The following MMRN1 variants were observed in gnomAD, a reference collection of about 807,000 sequenced individuals.
MMRN1 encodes multimerin 1.
MMRN1 carries 94 observed loss-of-function variants against 100.7 expected under a neutral mutation model. That is an observed-to-expected ratio of 0.93 (90% CI 0.79 to 1.11). The LOEUF (loss-of-function observed/expected upper bound fraction) is 1.11, where lower values mean the gene tolerates loss of function less well. Among genes scored for constraint, MMRN1 ranks in the 50% least tolerant of loss-of-function variants. The probability of loss-of-function intolerance (pLI) is 0.00; values close to 1 mark genes in which losing one functional copy is unlikely to be tolerated. For synonymous variants in MMRN1, 575 were observed against 505.0 expected, an observed-to-expected ratio of 1.14 and a Z score of -1.86; for missense variants, 1,606 against 1,439.1, an observed-to-expected ratio of 1.12 and a Z score of -1.88.
chr4:89,909,838 C>T (rs755890187), intron 2 of MMRN1, among the ~76,000 whole-genome samples: 36 of 151,326 alleles, frequency 2.4e-4, no homozygotes, highest in Non-Finnish European at 2.1e-4. Flanking sequence ...CTTCTAGTTA[C>T]AATTATGCAT....
rs150931395 is a variant in MMRN1 at position 89,935,541 on chromosome 4, T to G, written c.1861T>G (p.Leu621Val). The G allele has an allele frequency of 3.1e-6, 5 of 1,613,118 alleles. No individual in the cohort carries two copies. In the South Asian group the frequency reaches 5.5e-5, roughly 18 times the overall value. The change falls in exon 6 of 8, where the codon TTG (leucine) becomes GTG (valine). Residue 621 changes from leucine to valine, a missense_variant. Physicochemically the swap from Leu to Val is conservative, Grantham distance 32 (BLOSUM62 1). Coordinates refer to ENST00000264790, the MANE Select transcript of MMRN1 (RefSeq NM_007351.3). ...EENLHVLNQT[L>V]AEVLFPMDNK... The stretch of plus-strand genomic sequence containing the variant: ...GAATTTACATGTGTTAAATCAAACA[T>G]TGGCTGAAGTTCTCTTTCCAATGGA...
chr4:89,944,986 A>T (rs1194305620), intron 6 of MMRN1, among the ~76,000 whole-genome samples: 1 of 152,116 alleles, frequency 6.6e-6, no homozygotes, highest in East Asian at 1.9e-4. Context: ...CACCACCCCA[A>T]ATTTCCTCAT....
At chr4:89,934,230 C>T (rs1423952728) in intron 5 of MMRN1, among the ~76,000 whole-genome samples, 2 of 151,862 alleles carry the variant, frequency 1.3e-5, no homozygotes, top group African/African-American at 4.8e-5. Flanking sequence ...TTTGAAATCC[C>T]CAAATCTCAT....
chr4:89,917,626 ATTATATTGATGTCGTCTTTCTTTTG>A (rs1721963273), intron 3 of MMRN1, among the ~76,000 whole-genome samples: 2 of 151,936 alleles, frequency 1.3e-5, no homozygotes, highest in Non-Finnish European at 2.9e-5. Context: ...ATTTCTACAA[ATTATATTGATGTCGTCTTTCTTTTG>A]CCATGGATGA....
At position 89,895,488 on chromosome 4, in the gene MMRN1, G is replaced by T; in HGVS notation, c.517G>T (p.Gly173Cys). 6.2e-7 allele frequency: 1 copy of T among 1,613,856 alleles called. No individual in the cohort carries two copies. Residue 173 changes from glycine (G) to cysteine (C), a missense_variant, in exon 1 of 8, where the codon GGC becomes TGC. Gly to Cys is a radical substitution (Grantham distance 159, BLOSUM62 -3). Coordinates refer to ENST00000264790, the MANE Select transcript of MMRN1 (RefSeq NM_007351.3). ...CATTGGAGGCGTTGGAGGCACTGGA[G>T]GCGTGGGAAATCGAGCCCCACGGGA... ...GGIGGVGGTG[G>C]VGNRAPRETY... is the part of the protein sequence containing the mutation.
chr4:89,935,634 T>C lies in MMRN1; in HGVS notation c.1954T>C (p.Leu652=). 6.2e-7 allele frequency: 1 copy of C among 1,613,520 alleles called. No individual in the cohort carries two copies. Among genetic ancestry groups the C allele is most frequent in the Non-Finnish European group, 8.5e-7 (1 of 1,179,736 alleles). The change falls in exon 6 of 8, where the codon TTG becomes CTG. Residue 652 remains leucine (L), a synonymous_variant. Transcript: ENST00000264790. ...TTATGATATGGAGATCCTTCAACCC[T>C]TGCTTGAGCAGGGAGCATCACTCAG... ...LTYDMEILQP[L]LEQGASLRQT...
intron 5 of MMRN1, among the ~76,000 whole-genome samples, chr4:89,929,098 G>A (rs1722355857): frequency 6.6e-6 from 1 of 152,114 alleles, no homozygotes; most frequent in African/African-American, 2.4e-5. Context: ...GTTTCGGGTA[G>A]GGCAAGGATG....
At chr4:89,940,150 T>C (rs1276143698) in intron 6 of MMRN1, among the ~76,000 whole-genome samples, 1 of 152,200 alleles carries the variant, frequency 6.6e-6, no homozygotes, top group African/African-American at 2.4e-5. Context: ...TTTGAAGATT[T>C]GTTTGTACAG....
At chr4:89,900,104 A>G (rs1721336254) in intron 1 of MMRN1, among the ~76,000 whole-genome samples, 2 of 152,004 alleles carry the variant, frequency 1.3e-5, no homozygotes, top group Non-Finnish European at 2.9e-5. Context: ...ACTTTTGCAA[A>G]CTTAAGAAGG....
intron 3 of MMRN1, among the ~76,000 whole-genome samples, chr4:89,917,273 C>A (rs1198588914): frequency 6.6e-6 from 1 of 151,756 alleles, no homozygotes; most frequent in Non-Finnish European, 1.5e-5. Context: ...TTATAAAATG[C>A]AACTTAAAAT....
At chr4:89,946,786 T>C (rs929790362) in intron 6 of MMRN1, among the ~76,000 whole-genome samples, 2 of 152,230 alleles carry the variant, frequency 1.3e-5, no homozygotes, top group Middle Eastern at 3.4e-3. Flanking sequence ...CTAGAGCACA[T>C]ATTAGGGTCC....
chr4:89,911,401 C>T (rs1444695558), intron 2 of MMRN1, among the ~76,000 whole-genome samples: 1 of 151,226 alleles, frequency 6.6e-6, no homozygotes. Context: ...CAGAGAAATA[C>T]TATATGACAA....
chr4:89,911,587 A>C (rs1001378870), intron 2 of MMRN1, among the ~76,000 whole-genome samples: 2 of 151,418 alleles, frequency 1.3e-5, no homozygotes, highest in Non-Finnish European at 3.0e-5. Context: ...AATCATATGA[A>C]TTGAAGTAGA....
At position 89,953,251 on chromosome 4, in the gene MMRN1, T is replaced by G. The variant is rs1262563435; in HGVS notation, c.3520T>G (p.Ser1174Ala). 2 of 1,613,836 alleles carry G rather than the reference T, an allele frequency of 1.2e-6. No homozygotes were observed. Among genetic ancestry groups the G allele is most frequent in the Non-Finnish European group, 1.7e-6 (2 of 1,179,850 alleles). ...VDGIDKLAFE[S>A]ENINSEIHCD... ...TGGAATAGACAAGCTTGCATTTGAG[T>G]CTGAAAATATTAACAGTGAAATACA... Residue 1174 changes from serine (S) to alanine (A), a missense_variant, in exon 8 of 8, where the codon TCT becomes GCT. Coordinates refer to ENST00000264790, the MANE Select transcript of MMRN1 (RefSeq NM_007351.3).
At chr4:89,930,524 C>T (rs950744683) in intron 5 of MMRN1, among the ~76,000 whole-genome samples, 10 of 144,966 alleles carry the variant, frequency 6.9e-5, no homozygotes, top group African/African-American at 2.8e-4. Flanking sequence ...TTCAATAAAG[C>T]CTAAATTTTA....
intron 6 of MMRN1, among the ~76,000 whole-genome samples, chr4:89,938,233 C>A (rs978700558): frequency 2.0e-5 from 3 of 151,230 alleles, no homozygotes; most frequent in Admixed American, 2.0e-4. Context: ...GTAATCTGAC[C>A]TAATAGAACT....
At chr4:89,879,785 C>T (rs1302673236) in intron 1 of MMRN1, among the ~76,000 whole-genome samples, 3 of 151,992 alleles carry the variant, frequency 2.0e-5, no homozygotes, top group Admixed American at 2.0e-4. Flanking sequence ...ACTTAGAATG[C>T]AGTAAGAATG....
intron 4 of MMRN1, among the ~76,000 whole-genome samples, chr4:89,927,427 C>A (rs1367642445): frequency 6.6e-6 from 1 of 151,992 alleles, no homozygotes; most frequent in Admixed American, 6.6e-5. Context: ...TCACTGCTGG[C>A]ATATAAAAAT....
intron 5 of MMRN1, among the ~76,000 whole-genome samples, chr4:89,929,723 G>C (rs1489398672): frequency 1.3e-5 from 2 of 152,070 alleles, no homozygotes; most frequent in African/African-American, 4.8e-5. Flanking sequence ...AATTAATTGT[G>C]TACTGAGCAC....
Sources: gnomAD v4.1 joint callset for allele counts (sites outside exome capture counted in the v4.1 genomes callset) on GRCh38, gnomAD v4.1.1 for gene constraint, MANE v1.5 for transcripts, NCBI Gene and HGNC (gene_info 2026-07-23, HGNC 2026-07-21) for gene names.